Variants in ATP6V0A4 observed in about 807,000 individuals in gnomAD.
ATP6V0A4 encodes the protein ATPase H+ transporting V0 subunit a4.
Under a neutral mutation model 107.3 loss-of-function variants are expected in ATP6V0A4, and 86 were observed. The ratio of observed to expected loss-of-function variants is 0.80; its 90% CI spans 0.67 to 0.96. The LOEUF is 0.96. ATP6V0A4 is among the 40% of genes least tolerant of loss of function. The pLI, the probability that ATP6V0A4 is intolerant of heterozygous loss-of-function variation, is 0.00. For missense variants in ATP6V0A4, 908 were observed against 1,045.6 expected, an observed-to-expected ratio of 0.87 and a Z score of 1.81; for synonymous variants, 353 against 381.4, an observed-to-expected ratio of 0.93 and a Z score of 0.87.
intron 13 of ATP6V0A4, among the ~76,000 whole-genome samples, chr7:138,745,673 G>T (rs1462384818): frequency 2.0e-5 from 1 of 49,150 alleles, no homozygotes; most frequent in East Asian, 1.5e-3. Context: ...AAAAAAAAAG[G>T]CCGGGTGTGA....
rs184364963 is a variant in ATP6V0A4 at position 138,778,232 on chromosome 7, G to A, written c.-17-6968C>T. 3.9e-3 allele frequency among the ~76,000 whole-genome samples: 589 copies of A among 152,072 alleles called. 6 individuals carry two copies. The highest frequency in any genetic ancestry group is 0.013 in the African/African-American group (556 of 41,486). On this transcript the variant is annotated intron_variant, in intron 2 of 21. Transcript: ENST00000310018. ...TTACTAAAAATACAAAAAAATTAGC[G>A]GGGCGTGGTGGTGGGTGCCTGTAGT...
chr7:138,776,633 G>A (rs1393149569), intron 2 of ATP6V0A4, among the ~76,000 whole-genome samples: 1 of 152,232 alleles, frequency 6.6e-6, no homozygotes, highest in Non-Finnish European at 1.5e-5. Flanking sequence ...CCCAGTCAGC[G>A]GGTGGGGCCA....
In ATP6V0A4 at chr7:138,784,222, A is replaced by ATG. The variant is rs1367063171; in HGVS notation, c.-18+1935_-18+1936insCA. ...CTATGAATCCTTAAACATTATATAT[A>ATG]TATATATATATACGTATATATATAT... On this transcript the variant is annotated intron_variant, in intron 2 of 21. Transcript: ENST00000310018. 3.8e-4 allele frequency among the ~76,000 whole-genome samples: 33 copies of ATG among 86,238 alleles called. 1 individual carries two copies. The highest frequency in any genetic ancestry group is 1.4e-3 in the African/African-American group (21 of 15,374). 56.6% of individuals were successfully genotyped at this position (86,238 alleles called of 152,430 possible).
At chr7:138,726,536 T>G (rs1804734739) in intron 18 of ATP6V0A4, among the ~76,000 whole-genome samples, 1 of 152,178 alleles carries the variant, frequency 6.6e-6, no homozygotes, top group Non-Finnish European at 1.5e-5. Context: ...GGACCCAGGT[T>G]GTAGGAGAGG....
chr7:138,779,722 C>T (rs544441765), intron 2 of ATP6V0A4, among the ~76,000 whole-genome samples: 3 of 152,148 alleles, frequency 2.0e-5, no homozygotes, highest in Non-Finnish European at 2.9e-5. Context: ...ATACTCTTCT[C>T]CTGATACCCC....
rs183123579 is a variant in ATP6V0A4 at position 138,710,479 on chromosome 7, G to A, written c.2258-684C>T. Among the ~76,000 whole-genome samples the A allele has an allele frequency of 9.0e-4, 137 of 152,218 alleles. 1 individual carries two copies. Among genetic ancestry groups the A allele is most frequent in the Admixed American group, 1.6e-3 (24 of 15,278 alleles). On this transcript the variant is annotated intron_variant, in intron 20 of 21. Transcript: ENST00000310018. ...GCTGGGATTACAGGCGTAAGCCACCGCGCCCAGCCACAGCCTCTTCTTTGA... is the reference window on the plus strand; with the variant it reads ...GCTGGGATTACAGGCGTAAGCCACCACGCCCAGCCACAGCCTCTTCTTTGA...
intron 10 of ATP6V0A4, 144 bp from the exon 11 acceptor site, chr7:138,752,981 C>T: frequency 6.9e-7 from 1 of 1,456,518 alleles, no homozygotes; most frequent in South Asian, 1.3e-5. Flanking sequence ...TGGCCTTGAA[C>T]TCTCCTGAGC....
At chr7:138,756,127 A>G (rs1806501177) in intron 9 of ATP6V0A4, 1 of 521,558 alleles carries the variant, frequency 1.9e-6, no homozygotes, top group South Asian at 2.1e-5. Flanking sequence ...GCTTCTATGG[A>G]GCTACATGTA....
chr7:138,774,351 G>T (rs1008090831), intron 2 of ATP6V0A4, among the ~76,000 whole-genome samples: 2 of 152,044 alleles, frequency 1.3e-5, no homozygotes, highest in Non-Finnish European at 2.9e-5. Context: ...GGCTGAGGTG[G>T]GCGGATCATT....
chr7:138,745,400 G>T, intron 13 of ATP6V0A4, 120 bp from the exon 14 acceptor site: 1 of 1,390,078 alleles, frequency 7.2e-7, no homozygotes, highest in Non-Finnish European at 1.0e-6. Context: ...GGAGCCACAT[G>T]ACCACAGCAG....
At chr7:138,775,017 C>T (rs1459449697) in intron 2 of ATP6V0A4, among the ~76,000 whole-genome samples, 1 of 152,050 alleles carries the variant, frequency 6.6e-6, no homozygotes, top group Admixed American at 6.6e-5. Flanking sequence ...CCCAGGGGTG[C>T]GGGGCTGCAA....
intron 13 of ATP6V0A4, among the ~76,000 whole-genome samples, chr7:138,745,960 A>ATCT (rs1212947750): frequency 1.6e-5 from 1 of 63,772 alleles, no homozygotes; most frequent in Admixed American, 2.5e-4. Flanking sequence ...AAAAAAAAAA[A>ATCT]AAATATATAT....
intron 13 of ATP6V0A4, 134 bp downstream of exon 13, chr7:138,747,291 G>A (rs192947229): frequency 1.7e-6 from 2 of 1,163,120 alleles, no homozygotes; most frequent in East Asian, 5.0e-5. Flanking sequence ...GAAGTTTTAG[G>A]TTAATTTGGC....
At chr7:138,708,293 G>A (rs6946731) in intron 21 of ATP6V0A4, among the ~76,000 whole-genome samples, 2,721 of 152,024 alleles carry the variant, frequency 0.018, 55 homozygotes, top group East Asian at 0.065. Context: ...TGATCCGCCC[G>A]CCTTGGCCTC....
intron 19 of ATP6V0A4, among the ~76,000 whole-genome samples, chr7:138,718,150 G>T (rs868798461): frequency 6.9e-4 from 41 of 59,650 alleles, no homozygotes; most frequent in Non-Finnish European, 1.1e-3. Context: ...CAGGAAGGAA[G>T]GGGGGATGCA....
chr7:138,741,150 A>ATAAATTAAATTAAATTAATTAAATTTAAT (rs1239892016), intron 14 of ATP6V0A4, among the ~76,000 whole-genome samples: 2 of 152,176 alleles, frequency 1.3e-5, no homozygotes, highest in African/African-American at 4.8e-5. Flanking sequence ...TCTACAAAAA[A>ATAAATTAAATTAAATTAATTAAATTTAAT]TAAATTAAAT....
intron 12 of ATP6V0A4, 151 bp from the exon 13 acceptor site, chr7:138,747,715 T>C (rs1315984216): frequency 1.6e-6 from 2 of 1,255,520 alleles, no homozygotes; most frequent in African/African-American, 3.0e-5. Flanking sequence ...GACACATGCT[T>C]AGCTGCCACA....
At chr7:138,781,581 T>G (rs1337811124) in intron 2 of ATP6V0A4, among the ~76,000 whole-genome samples, 1 of 152,134 alleles carries the variant, frequency 6.6e-6, no homozygotes, top group African/African-American at 2.4e-5. Context: ...CCACCCACCC[T>G]GGCCTCCCAA....
chr7:138,740,054 C>A (rs1805542660), intron 14 of ATP6V0A4, among the ~76,000 whole-genome samples: 1 of 146,840 alleles, frequency 6.8e-6, no homozygotes, highest in Non-Finnish European at 1.5e-5. Context: ...ATGATTGTAC[C>A]ACTGCACTCC....
Sources: allele counts gnomAD v4.1 joint callset (sites outside exome capture counted in the v4.1 genomes callset), GRCh38; gene constraint gnomAD v4.1.1; transcripts MANE v1.5; gene names NCBI Gene and HGNC (gene_info 2026-07-23, HGNC 2026-07-21).